KCND2: variants seen among roughly 807,000 people sequenced by gnomAD.
KCND2 encodes A-type voltage-gated potassium channel KCND2.
A neutral mutation model predicts 54.4 loss-of-function variants in KCND2; 16 were observed. The observed-to-expected ratio is 0.29, with a 90% CI of 0.20 to 0.45. The LOEUF (loss-of-function observed/expected upper bound fraction) is 0.45. Among genes scored for constraint, KCND2 ranks in the 20% least tolerant of loss-of-function variants. KCND2 has a pLI of 1.00. For synonymous variants in KCND2, 317 were observed against 310.7 expected (o/e 1.02, Z -0.21); for missense variants, 486 against 824.2 (o/e 0.59, Z 5.02).
At chr7:120,338,052 T>C (rs1001198293) in intron 1 of KCND2, among the ~76,000 whole-genome samples, 1 of 152,184 alleles carries the variant, frequency 6.6e-6, no homozygotes, top group African/African-American at 2.4e-5. Context: ...GATATGAAGA[T>C]CTTTAGAAAT....
intron 1 of KCND2, among the ~76,000 whole-genome samples, chr7:120,692,863 C>A (rs1719876910): frequency 6.6e-6 from 1 of 152,176 alleles, no homozygotes; most frequent in Non-Finnish European, 1.5e-5. Context: ...GCTTTATTTT[C>A]TATTGATTGG....
chr7:120,685,706 G>A (rs1792193674), intron 1 of KCND2, among the ~76,000 whole-genome samples: 2 of 151,740 alleles, frequency 1.3e-5, no homozygotes, highest in South Asian at 4.1e-4. Context: ...AATATATTTT[G>A]TTTTACATAA....
chr7:120,313,672 C>G (rs1293508162), intron 1 of KCND2, among the ~76,000 whole-genome samples: 1 of 150,984 alleles, frequency 6.6e-6, no homozygotes, highest in Non-Finnish European at 1.5e-5. Context: ...ACTTCTAGTT[C>G]TGTCTCTGCT....
At chr7:120,640,370 C>A (rs540416162) in intron 1 of KCND2, among the ~76,000 whole-genome samples, 2 of 152,242 alleles carry the variant, frequency 1.3e-5, no homozygotes, top group South Asian at 2.1e-4. Context: ...GCTTCTTGAA[C>A]CCTTTCATTA....
chr7:120,713,317 A>T (rs917334064), intron 1 of KCND2, among the ~76,000 whole-genome samples: 1 of 152,122 alleles, frequency 6.6e-6, no homozygotes, highest in Non-Finnish European at 1.5e-5. Context: ...TCCATCACGA[A>T]CTGGGAAGTA....
At chr7:120,276,400 A>G (rs981798046) in intron 1 of KCND2, among the ~76,000 whole-genome samples, 3 of 152,184 alleles carry the variant, frequency 2.0e-5, no homozygotes, top group African/African-American at 7.2e-5. Flanking sequence ...TAAATTTGCA[A>G]CATATTTCAA....
chr7:120,386,420 A>G (rs996802349), intron 1 of KCND2, among the ~76,000 whole-genome samples: 21 of 152,082 alleles, frequency 1.4e-4, no homozygotes, highest in Non-Finnish European at 2.2e-4. Context: ...GCACAGGATT[A>G]TCTTGGAACT....
chr7:120,667,484 G>T lies in KCND2; in HGVS notation c.1116-65419G>T, dbSNP rs530461230. ...AGAAGAAAAATATGAACCCCATACT[G>T]TGTGTATATAAAAATCTAAGGAGTG... On this transcript the variant is annotated intron_variant, in intron 1 of 5. Transcript: ENST00000331113. 7.1e-4 allele frequency among the ~76,000 whole-genome samples: 108 copies of T among 152,058 alleles called. 2 individuals carry two copies. Among genetic ancestry groups the T allele is most frequent in the African/African-American group, 2.4e-3 (101 of 41,522 alleles).
chr7:120,459,608 A>T (rs894677490), intron 1 of KCND2, among the ~76,000 whole-genome samples: 24 of 152,200 alleles, frequency 1.6e-4, no homozygotes, highest in African/African-American at 5.8e-4. Context: ...CTGTGTCCAC[A>T]TTGCCTAAAA....
intron 1 of KCND2, among the ~76,000 whole-genome samples, chr7:120,729,434 A>T (rs1026410497): frequency 6.6e-6 from 1 of 152,218 alleles, no homozygotes; most frequent in African/African-American, 2.4e-5. Context: ...ACCAAGGAGT[A>T]TGAGGAAGAA....
intron 1 of KCND2, among the ~76,000 whole-genome samples, chr7:120,477,004 G>A (rs1584794742): frequency 6.6e-6 from 1 of 152,236 alleles, no homozygotes; most frequent in East Asian, 1.9e-4. Context: ...AGAAGTAGTT[G>A]GATTGTTCTG....
At chr7:120,499,960 A>G (rs769609725) in intron 1 of KCND2, among the ~76,000 whole-genome samples, 3 of 152,320 alleles carry the variant, frequency 2.0e-5, no homozygotes, top group East Asian at 3.9e-4. Context: ...TGCCCAGCAC[A>G]TAGTGAATGC....
chr7:120,501,370 A>G (rs1282756707), intron 1 of KCND2, among the ~76,000 whole-genome samples: 1 of 152,176 alleles, frequency 6.6e-6, no homozygotes, highest in African/African-American at 2.4e-5. Flanking sequence ...TGTACATCGT[A>G]GAAGAGAATA....
chr7:120,424,478 A>G (rs922032302), intron 1 of KCND2, among the ~76,000 whole-genome samples: 2 of 152,218 alleles, frequency 1.3e-5, no homozygotes, highest in African/African-American at 4.8e-5. Flanking sequence ...ATGTAAACCA[A>G]TCACCACAAA....
intron 1 of KCND2, among the ~76,000 whole-genome samples, chr7:120,697,501 A>G (rs1027175705): frequency 6.6e-6 from 1 of 152,224 alleles, no homozygotes; most frequent in Non-Finnish European, 1.5e-5. Flanking sequence ...AGGATTTAAC[A>G]GCTTTTACAG....
intron 1 of KCND2, among the ~76,000 whole-genome samples, chr7:120,722,465 C>T (rs2116108943): frequency 6.6e-6 from 1 of 152,326 alleles, no homozygotes; most frequent in East Asian, 1.9e-4. Context: ...GAGCCTAATT[C>T]TCTGCCACAA....
chr7:120,390,266 CAT>C (rs1281910328), intron 1 of KCND2, among the ~76,000 whole-genome samples: 2 of 151,640 alleles, frequency 1.3e-5, no homozygotes, highest in Non-Finnish European at 2.9e-5. Context: ...CTAATGGAAA[CAT>C]AAAAATAATT....
chr7:120,576,449 A>G (rs1792435103), intron 1 of KCND2, among the ~76,000 whole-genome samples: 1 of 152,232 alleles, frequency 6.6e-6, no homozygotes, highest in South Asian at 2.1e-4. Flanking sequence ...TTTGTAAATA[A>G]TGTTATGTAG....
intron 1 of KCND2, among the ~76,000 whole-genome samples, chr7:120,454,151 G>T (rs192301918): frequency 6.6e-6 from 1 of 152,044 alleles, no homozygotes; most frequent in African/African-American, 2.4e-5. Flanking sequence ...ACCAAGAACT[G>T]AAGAGACAAA....
Sources: gnomAD v4.1 joint callset for allele counts (sites outside exome capture counted in the v4.1 genomes callset) on GRCh38, gnomAD v4.1.1 for gene constraint, MANE v1.5 for transcripts, NCBI Gene and HGNC (gene_info 2026-07-23, HGNC 2026-07-21) for gene names.